The following SMIM1 variants were observed in gnomAD, a reference collection of about 807,000 sequenced individuals.
The protein encoded by SMIM1 is small integral membrane protein 1.
SMIM1 carries 7 observed loss-of-function variants against 7.7 expected under a neutral mutation model. That is an observed-to-expected ratio of 0.91 (90% CI 0.52 to 1.71). The LOEUF (loss-of-function observed/expected upper bound fraction) is 1.71, where lower values mean the gene tolerates loss of function less well. Ranked by LOEUF, SMIM1 falls within the 40% of genes most tolerant of loss-of-function variation. SMIM1 has a pLI of 0.00. For missense variants in SMIM1, 95 were observed against 102.8 expected (o/e 0.92, Z 0.33); for synonymous variants, 41 against 42.7 (o/e 0.96, Z 0.16).
chr1:3,775,683 A>G lies in SMIM1; in HGVS notation c.111-112A>G. On this transcript the variant is annotated intron_variant, in intron 3 of 3. Coordinates refer to ENST00000642557, the MANE Select transcript of SMIM1 (RefSeq NM_001288583.2). The surrounding 1 kb of genome is among the most constrained non-coding windows in gnomAD (Gnocchi z 5.3). The stretch of plus-strand genomic sequence containing the variant: ...GCGGGGAGAGCTTCCTCTTGACTCC[A>G]GCAGAGCGCCCAGGCCCCTCCCCCT... 7.0e-7 allele frequency: 1 copy of G among 1,430,336 alleles called. No individual in the cohort carries two copies. Among genetic ancestry groups the G allele is most frequent in the Non-Finnish European group, 9.2e-7 (1 of 1,085,212 alleles). The allele number at this position is 1,430,336 out of a possible 1,614,324, so 88.6% of individuals were successfully genotyped here.
rs1200452782 is a variant in SMIM1, at chr1:3,775,403, T to C, written c.30T>C (p.Tyr10=). The C allele has an allele frequency of 6.5e-7, 1 of 1,548,786 alleles. No individual in the cohort carries two copies. The highest frequency in any genetic ancestry group is 1.4e-5 in the African/African-American group (1 of 72,460). Residue 10 remains tyrosine (Y), a synonymous_variant, in exon 3 of 4, where the codon TAT becomes TAC. Transcript: ENST00000642557. The surrounding 1 kb of genome is among the most constrained non-coding windows in gnomAD (Gnocchi z 5.3). Reference sequence around the variant, plus strand: ...AGCCCCAGGAGAGCCACGTCCACTATAGTAGGTGGGAGGACGGCAGCAGGG... The same window carrying C: ...AGCCCCAGGAGAGCCACGTCCACTACAGTAGGTGGGAGGACGGCAGCAGGG... MQPQESHVH[Y]SRWEDGSRDG...
intron 2 of SMIM1, among the ~76,000 whole-genome samples, chr1:3,774,478 G>A (rs1477631065): frequency 6.6e-6 from 1 of 152,208 alleles, no homozygotes; most frequent in African/African-American, 2.4e-5. Context: ...CTCAGTCCCC[G>A]TGGTCTCCTC....
At position 3,775,826 on chromosome 1, in the gene SMIM1, G is replaced by C; in HGVS notation, c.142G>C (p.Gly48Arg). 6.4e-7 allele frequency: 1 copy of C among 1,550,846 alleles called. No individual in the cohort carries two copies. The highest frequency in any genetic ancestry group is 8.7e-7 in the Non-Finnish European group (1 of 1,146,912). ...ISQRLCTGKL[G>R]IAMKVLGGVA... The stretch of plus-strand genomic sequence containing the variant: ...CCAGAGGCTGTGCACGGGCAAGCTG[G>C]GCATCGCCATGAAGGTGCTGGGCGG... The change falls in exon 4 of 4, where the codon GGC (glycine) becomes CGC (arginine). Residue 48 changes from glycine (G) to arginine (R), a missense_variant. Gly to Arg is a moderately radical substitution (Grantham distance 125). Coordinates refer to ENST00000642557, the MANE Select transcript of SMIM1 (RefSeq NM_001288583.2). This position sits in a 1 kb window ranked among gnomAD's most constrained non-coding sequence, Gnocchi z 5.3.
chr1:3,775,947 G>A lies in SMIM1; in HGVS notation c.*26G>A, dbSNP rs1247707759. The A allele has an allele frequency of 6.5e-7, 1 of 1,543,078 alleles. No individual in the cohort carries two copies. The highest frequency in any genetic ancestry group is 1.4e-5 in the African/African-American group (1 of 73,152). Reference sequence around the variant, plus strand: ...ATGCTGCCCCGCATGCACGCGGGGGGCTGGCCGCACACGTGAGAGCACAGG... The same window carrying A: ...ATGCTGCCCCGCATGCACGCGGGGGACTGGCCGCACACGTGAGAGCACAGG... On this transcript the variant is annotated 3_prime_UTR_variant, in exon 4 of 4. Coordinates refer to ENST00000642557, the MANE Select transcript of SMIM1 (RefSeq NM_001288583.2). This position sits in a 1 kb window ranked among gnomAD's most constrained non-coding sequence, Gnocchi z 5.3.
chr1:3,775,932 G>T lies in SMIM1; in HGVS notation c.*11G>T. Reference sequence around the variant, plus strand: ...CACAAGTGCAAATAAATGCTGCCCCGCATGCACGCGGGGGGCTGGCCGCAC... The same window carrying T: ...CACAAGTGCAAATAAATGCTGCCCCTCATGCACGCGGGGGGCTGGCCGCAC... On this transcript the variant is annotated 3_prime_UTR_variant, in exon 4 of 4. Coordinates refer to ENST00000642557, the MANE Select transcript of SMIM1 (RefSeq NM_001288583.2). The surrounding 1 kb of genome is among the most constrained non-coding windows in gnomAD (Gnocchi z 5.3). 6.5e-7 allele frequency: 1 copy of T among 1,546,822 alleles called. No homozygotes were observed. Among genetic ancestry groups the T allele is most frequent in the Non-Finnish European group, 8.7e-7 (1 of 1,146,368 alleles).
chr1:3,774,870 C>CGTA (rs70940313), intron 2 of SMIM1, among the ~76,000 whole-genome samples: 3 of 151,152 alleles, frequency 2.0e-5, no homozygotes, highest in Admixed American at 2.0e-4. Flanking sequence ...CCCTGCCCCA[C>CGTA]CCCCCCCTCC....
Position 3,775,545 on chromosome 1 carries a change from T to C in SMIM1, c.110+62T>C, listed in dbSNP as rs944795173. On this transcript the variant is annotated intron_variant, in intron 3 of 3. Coordinates refer to ENST00000642557, the MANE Select transcript of SMIM1 (RefSeq NM_001288583.2). The surrounding 1 kb of genome is among the most constrained non-coding windows in gnomAD (Gnocchi z 5.3). Reference sequence around the variant, plus strand: ...GCTGGTGTCTCCCTCCAGAGACGCCTGCCCTAACCCCTGCTACCGGCCCCA... The same window carrying C: ...GCTGGTGTCTCCCTCCAGAGACGCCCGCCCTAACCCCTGCTACCGGCCCCA... The C allele has an allele frequency of 2.8e-6, 4 of 1,422,232 alleles. No homozygotes were observed. The highest frequency in any genetic ancestry group is 2.8e-5 in the African/African-American group (2 of 70,254). 88.1% of individuals were successfully genotyped at this position (1,422,232 alleles called of 1,614,324 possible).
chr1:3,772,885 G>C (rs890324259), intron 1 of SMIM1, 97 bp downstream of exon 1: 1 of 152,372 alleles, frequency 6.6e-6, no homozygotes, highest in African/African-American at 2.4e-5. Context: ...TGGCGGGGGT[G>C]GGGGCGTGCC....
intron 2 of SMIM1, among the ~76,000 whole-genome samples, chr1:3,774,936 G>A (rs1019550106): frequency 2.0e-5 from 3 of 152,118 alleles, no homozygotes; most frequent in African/African-American, 7.2e-5. Context: ...GTTAAGGAGG[G>A]GGACAGTTAT....
rs1331630352 is a variant in SMIM1, at chr1:3,775,791, C to G, written c.111-4C>G. On this transcript the variant is annotated splice_region_variant and splice_polypyrimidine_tract_variant and intron_variant, in intron 3 of 3. Coordinates refer to ENST00000642557, the MANE Select transcript of SMIM1 (RefSeq NM_001288583.2). The surrounding 1 kb of genome is among the most constrained non-coding windows in gnomAD (Gnocchi z 5.3). ...GGCTCACCTCCAGTTGGTTCTCACCCCAGGATCTCCCAGAGGCTGTGCACG... is the reference window on the plus strand; with the variant it reads ...GGCTCACCTCCAGTTGGTTCTCACCGCAGGATCTCCCAGAGGCTGTGCACG... The G allele has an allele frequency of 1.3e-6, 2 of 1,549,588 alleles. No individual in the cohort carries two copies. Among genetic ancestry groups the G allele is most frequent in the South Asian group, 2.4e-5 (2 of 84,036 alleles).
chr1:3,774,634 A>G (rs1230880345), intron 2 of SMIM1, among the ~76,000 whole-genome samples: 1 of 151,602 alleles, frequency 6.6e-6, no homozygotes, highest in African/African-American at 2.4e-5. Flanking sequence ...CAGCCCTACG[A>G]CCCTCCTGTC....
rs1362955046 is a variant in SMIM1 at position 3,775,434 on chromosome 1, G to A, written c.61G>A (p.Val21Ile). The A allele has an allele frequency of 6.6e-7, 1 of 1,512,194 alleles. No homozygotes were observed. Among genetic ancestry groups the A allele is most frequent in the Non-Finnish European group, 9.0e-7 (1 of 1,112,654 alleles). The allele number at this position is 1,512,194 out of a possible 1,614,324, so 93.7% of individuals were successfully genotyped here. ...GTGGGAGGACGGCAGCAGGGACGGA[G>A]TCAGCCTAGGGGCTGTGTCCAGCAC... ...SRWEDGSRDG[V>I]SLGAVSSTEE... Residue 21 changes from valine to isoleucine, a missense_variant, in exon 3 of 4, where the codon GTC becomes ATC. Physicochemically the swap from Val to Ile is conservative, Grantham distance 29 (BLOSUM62 3). Coordinates refer to ENST00000642557, the MANE Select transcript of SMIM1 (RefSeq NM_001288583.2). This position sits in a 1 kb window ranked among gnomAD's most constrained non-coding sequence, Gnocchi z 5.3.
chr1:3,774,910 C>T (rs552181562), intron 2 of SMIM1, among the ~76,000 whole-genome samples: 29 of 150,414 alleles, frequency 1.9e-4, no homozygotes, highest in Middle Eastern at 6.8e-3. Context: ...GGCCAGAAGG[C>T]GCCTTATCGG....
chr1:3,773,287 C>G (rs1643408638), intron 2 of SMIM1, 106 bp downstream of exon 2: 1 of 152,464 alleles, frequency 6.6e-6, no homozygotes, highest in Non-Finnish European at 1.5e-5. Flanking sequence ...GTGCCAGGAT[C>G]CGGGAGCCTC....
intron 1 of SMIM1, 89 bp from the exon 2 acceptor site, chr1:3,772,974 T>G (rs1024020302): frequency 6.6e-6 from 1 of 152,338 alleles, no homozygotes; most frequent in Non-Finnish European, 1.5e-5. Context: ...GCCCGGCTCC[T>G]TGTGGCTGCT....
rs1201011711 is a variant in SMIM1 at position 3,775,926 on chromosome 1, T to C, written c.*5T>C. On this transcript the variant is annotated 3_prime_UTR_variant, in exon 4 of 4. Transcript: ENST00000642557. This position sits in a 1 kb window ranked among gnomAD's most constrained non-coding sequence, Gnocchi z 5.3. ...TATGTGCACAAGTGCAAATAAATGCTGCCCCGCATGCACGCGGGGGGCTGG... is the reference window on the plus strand; with the variant it reads ...TATGTGCACAAGTGCAAATAAATGCCGCCCCGCATGCACGCGGGGGGCTGG... The C allele has an allele frequency of 6.5e-7, 1 of 1,548,082 alleles. No individual in the cohort carries two copies. The highest frequency in any genetic ancestry group is 8.7e-7 in the Non-Finnish European group (1 of 1,146,698).
At position 3,775,815 on chromosome 1, in the gene SMIM1, C is replaced by G. The variant is rs761861119; in HGVS notation, c.131C>G (p.Thr44Arg). Residue 44 changes from threonine (T) to arginine (R), a missense_variant, in exon 4 of 4, where the codon ACG becomes AGG. By Grantham distance (71) the Thr-to-Arg change is moderately conservative. Transcript: ENST00000642557. The surrounding 1 kb of genome is among the most constrained non-coding windows in gnomAD (Gnocchi z 5.3). ...RCRRISQRLCTGKLGIAMKVL... is the reference protein window; with the variant it reads ...RCRRISQRLCRGKLGIAMKVL... Reference sequence around the variant, plus strand: ...CCCAGGATCTCCCAGAGGCTGTGCACGGGCAAGCTGGGCATCGCCATGAAG... The same window carrying G: ...CCCAGGATCTCCCAGAGGCTGTGCAGGGGCAAGCTGGGCATCGCCATGAAG... 6.4e-7 allele frequency: 1 copy of G among 1,550,594 alleles called. No individual in the cohort carries two copies. The highest frequency in any genetic ancestry group is 1.2e-5 in the South Asian group (1 of 84,058).
chr1:3,775,813 C>T lies in SMIM1; in HGVS notation c.129C>T (p.Cys43=), dbSNP rs1643449891. Residue 43 remains cysteine (C), a synonymous_variant, in exon 4 of 4, where the codon TGC becomes TGT. Transcript: ENST00000642557. The surrounding 1 kb of genome is among the most constrained non-coding windows in gnomAD (Gnocchi z 5.3). ...ACCCCAGGATCTCCCAGAGGCTGTGCACGGGCAAGCTGGGCATCGCCATGA... is the reference window on the plus strand; with the variant it reads ...ACCCCAGGATCTCCCAGAGGCTGTGTACGGGCAAGCTGGGCATCGCCATGA... The part of the protein sequence containing the change: ...SRCRRISQRL[C]TGKLGIAMKV... 2 of 1,550,464 alleles carry T rather than the reference C, an allele frequency of 1.3e-6. No homozygotes were observed. The highest frequency in any genetic ancestry group is 1.7e-6 in the Non-Finnish European group (2 of 1,146,916).
intron 2 of SMIM1, among the ~76,000 whole-genome samples, chr1:3,774,520 G>A (rs569227351): frequency 1.4e-4 from 21 of 152,298 alleles, no homozygotes; most frequent in African/African-American, 4.8e-4. Context: ...GCCAGGCACC[G>A]AGCTGAGTGC....
Sources: gnomAD v4.1 joint callset for allele counts (sites outside exome capture counted in the v4.1 genomes callset) on GRCh38, gnomAD v4.1.1 for gene constraint, Gnocchi (gnomAD v3.1) non-coding constraint, MANE v1.5 for transcripts, NCBI Gene and HGNC (gene_info 2026-07-23, HGNC 2026-07-21) for gene names.